The following DLGAP2 variants were observed in gnomAD, a reference collection of about 807,000 sequenced individuals.
The protein encoded by DLGAP2 is disks large-associated protein 2.
DLGAP2 carries 26 observed loss-of-function variants against 100.3 expected under a neutral mutation model. The ratio of observed to expected loss-of-function variants is 0.26; its 90% confidence interval spans 0.19 to 0.36. The LOEUF is 0.36. Among genes scored for constraint, DLGAP2 ranks in the 10% least tolerant of loss-of-function variants. DLGAP2 has a pLI of 1.00. For synonymous variants in DLGAP2, 886 were observed against 630.1 expected (o/e 1.41, Z -6.08); for missense variants, 1,858 against 1,453.2 (o/e 1.28, Z -4.53).
At chr8:996,137 C>G (rs1232504107) in intron 2 of DLGAP2, among the ~76,000 whole-genome samples, 28 of 152,166 alleles carry the variant, frequency 1.8e-4, no homozygotes, top group Admixed American at 1.8e-3. Context: ...GGACCACTCC[C>G]CTCTGTTCCT....
intron 2 of DLGAP2, among the ~76,000 whole-genome samples, chr8:1,067,713 A>T (rs931683365): frequency 1.4e-4 from 21 of 151,888 alleles, no homozygotes; most frequent in African/African-American, 4.8e-4. Flanking sequence ...GACAGTTCCC[A>T]TATGGCCCCT....
At chr8:1,195,582 T>G (rs577966578) in intron 2 of DLGAP2, among the ~76,000 whole-genome samples, 1 of 152,346 alleles carries the variant, frequency 6.6e-6, no homozygotes, top group East Asian at 1.9e-4. Context: ...AACATATAAT[T>G]CTTAATTCAC....
chr8:906,661 G>A (rs1299992815), intron 1 of DLGAP2, among the ~76,000 whole-genome samples: 1 of 152,120 alleles, frequency 6.6e-6, no homozygotes, highest in Non-Finnish European at 1.5e-5. Context: ...CACGTGGCAC[G>A]GGGCCAGCAC....
intron 3 of DLGAP2, among the ~76,000 whole-genome samples, chr8:1,281,524 C>G (rs548816494): frequency 2.0e-4 from 31 of 152,352 alleles, no homozygotes; most frequent in African/African-American, 7.2e-4. Context: ...CCTGGACTCC[C>G]TGATGTCTCC....
chr8:801,998 C>A (rs1412825344), intron 1 of DLGAP2, among the ~76,000 whole-genome samples: 1 of 111,430 alleles, frequency 9.0e-6, no homozygotes, highest in Non-Finnish European at 1.8e-5. Context: ...TCTGTCCTCA[C>A]AGCCTGAGGA....
intron 3 of DLGAP2, among the ~76,000 whole-genome samples, chr8:1,392,177 T>A (rs1034471652): frequency 3.3e-5 from 5 of 152,156 alleles, no homozygotes; most frequent in African/African-American, 7.2e-5. Flanking sequence ...ACCCCTGAGT[T>A]CCAGGCTCGG....
At chr8:893,640 A>G (rs985760928) in intron 1 of DLGAP2, among the ~76,000 whole-genome samples, 1 of 152,194 alleles carries the variant, frequency 6.6e-6, no homozygotes, top group South Asian at 2.1e-4. Context: ...CAGTGAGGGA[A>G]GTCCGTTAGG....
In DLGAP2 at chr8:1,522,394, A is replaced by G. The variant is rs534606800; in HGVS notation, c.172+20963A>G. 4.6e-4 allele frequency among the ~76,000 whole-genome samples: 70 copies of G among 152,310 alleles called. 1 individual carries two copies. Among genetic ancestry groups the G allele is most frequent in the Non-Finnish European group, 6.0e-4 (41 of 68,024 alleles). On this transcript the variant is annotated intron_variant, in intron 4 of 14. Transcript: ENST00000637795. ...GGCAGGTGTGCAGCAGCCGGGGCCC[A>G]GGGCATCACACCCACAGGGGCCTGG...
chr8:1,095,720 A>G (rs912939933), intron 2 of DLGAP2, among the ~76,000 whole-genome samples: 3 of 152,214 alleles, frequency 2.0e-5, no homozygotes, highest in African/African-American at 4.8e-5. Flanking sequence ...TGGAGAAGAA[A>G]GCTCTACTGA....
intron 3 of DLGAP2, among the ~76,000 whole-genome samples, chr8:1,294,780 G>C (rs951038218): frequency 3.3e-5 from 5 of 151,964 alleles, no homozygotes; most frequent in Middle Eastern, 6.8e-3. Context: ...GAGACAGTAG[G>C]ATTGCTTGAG....
intron 1 of DLGAP2, among the ~76,000 whole-genome samples, chr8:793,848 C>T (rs942643062): frequency 1.3e-5 from 2 of 152,330 alleles, no homozygotes; most frequent in Non-Finnish European, 1.5e-5. Flanking sequence ...CTTGCACTTC[C>T]TGTGGCCATG....
chr8:1,515,110 T>G (rs1308926051), intron 4 of DLGAP2, among the ~76,000 whole-genome samples: 1 of 152,058 alleles, frequency 6.6e-6, no homozygotes, highest in Non-Finnish European at 1.5e-5. Flanking sequence ...TGAAATGGGA[T>G]GGATGCATCC....
intron 1 of DLGAP2, among the ~76,000 whole-genome samples, chr8:876,961 G>A (rs193170778): frequency 1.1e-3 from 164 of 150,724 alleles, no homozygotes; most frequent in Non-Finnish European, 2.0e-3. Flanking sequence ...TTTTCCAACA[G>A]CGGAATTTCC....
intron 2 of DLGAP2, among the ~76,000 whole-genome samples, chr8:912,593 T>C (rs897085141): frequency 6.6e-6 from 1 of 151,968 alleles, no homozygotes; most frequent in Non-Finnish European, 1.5e-5. Context: ...TCCAGCTCAT[T>C]GGAGCCGGCT....
intron 4 of DLGAP2, among the ~76,000 whole-genome samples, chr8:1,540,910 C>A (rs1357124487): frequency 6.6e-6 from 1 of 152,204 alleles, no homozygotes; most frequent in Non-Finnish European, 1.5e-5. Flanking sequence ...TCTTACAAAA[C>A]ATTTAAATAA....
chr8:1,233,362 T>G (rs191220099), intron 2 of DLGAP2, among the ~76,000 whole-genome samples: 37 of 152,332 alleles, frequency 2.4e-4, no homozygotes, highest in Middle Eastern at 6.8e-3. Flanking sequence ...AAGAAGCCTT[T>G]AATTCAATAG....
Position 1,690,703 on chromosome 8 carries a change from C to CAAAAAAAAAAAA in DLGAP2, c.2705-817_2705-806dup, listed in dbSNP as rs71190752. ...TGGGCGATAAAGGGAGACCCTATCT[C>CAAAAAAAAAAAA]AAAAAAAAAAAAAAAAAAAAAAAAA... On this transcript the variant is annotated intron_variant, in intron 12 of 14. Transcript: ENST00000637795. Among the ~76,000 whole-genome samples, 278 of 62,042 alleles carry CAAAAAAAAAAAA rather than the reference C, an allele frequency of 4.5e-3. 8 individuals carry two copies. Among genetic ancestry groups the CAAAAAAAAAAAA allele is most frequent in the East Asian group, 0.011 (22 of 1,940 alleles). The allele number at this position is 62,042 out of a possible 152,430, so 40.7% of individuals were successfully genotyped here.
chr8:1,544,136 G>T (rs1367719970), intron 4 of DLGAP2, among the ~76,000 whole-genome samples: 1 of 152,060 alleles, frequency 6.6e-6, no homozygotes, highest in African/African-American at 2.4e-5. Flanking sequence ...CTCCTGGGCT[G>T]AAGTGATTCC....
chr8:1,315,181 C>T (rs563390877), intron 3 of DLGAP2, among the ~76,000 whole-genome samples: 58 of 152,326 alleles, frequency 3.8e-4, no homozygotes, highest in Non-Finnish European at 6.3e-4. Flanking sequence ...CGATAATTCC[C>T]AACACTCAAG....
Sources: gnomAD v4.1 joint callset for allele counts (sites outside exome capture counted in the v4.1 genomes callset) on GRCh38, gnomAD v4.1.1 for gene constraint, MANE v1.5 for transcripts, NCBI Gene and HGNC (gene_info 2026-07-23, HGNC 2026-07-21) for gene names.